The following GRM7 variants were observed in gnomAD, a reference collection of about 807,000 sequenced individuals.
GRM7 encodes glutamate metabotropic receptor 7, also known as metabotropic glutamate receptor 7.
In GRM7, 35 loss-of-function variants were observed where a neutral mutation model predicts 84.5. The observed-to-expected ratio is 0.41, with a 90% CI of 0.32 to 0.55. The LOEUF is 0.55. GRM7 is among the 20% of genes least tolerant of loss of function. GRM7 has a pLI of 0.19. For missense variants in GRM7, 1,003 were observed against 1,194.6 expected (o/e 0.84, Z 2.36); for synonymous variants, 487 against 455.1 (o/e 1.07, Z -0.89).
rs184581607 is a variant in GRM7, at chr3:7,077,685, A to G, written c.520-68767A>G. Among the ~76,000 whole-genome samples the G allele has an allele frequency of 2.6e-3, 393 of 152,252 alleles. 3 individuals are homozygous for G. Among genetic ancestry groups the G allele is most frequent in the African/African-American group, 8.9e-3 (370 of 41,540 alleles). On this transcript the variant is annotated intron_variant, in intron 1 of 9. Coordinates refer to ENST00000357716, the MANE Select transcript of GRM7 (RefSeq NM_000844.4). ...GTGTATACCTATGTAACAAACCTGCACGTTCTGCACATGTACCCCAGAACT... is the reference window on the plus strand; with the variant it reads ...GTGTATACCTATGTAACAAACCTGCGCGTTCTGCACATGTACCCCAGAACT...
chr3:6,908,530 G>A (rs964292189), intron 1 of GRM7, among the ~76,000 whole-genome samples: 7 of 152,094 alleles, frequency 4.6e-5, no homozygotes, highest in African/African-American at 1.7e-4. Flanking sequence ...ATTCATTGTG[G>A]TGATGCCAAC....
At chr3:7,618,547 T>A (rs568704524) in intron 8 of GRM7, among the ~76,000 whole-genome samples, 1 of 152,274 alleles carries the variant, frequency 6.6e-6, no homozygotes, top group South Asian at 2.1e-4. Flanking sequence ...TTAATGGTAG[T>A]TTATTTTCTG....
At chr3:6,896,493 A>G (rs149006178) in intron 1 of GRM7, among the ~76,000 whole-genome samples, 1 of 152,318 alleles carries the variant, frequency 6.6e-6, no homozygotes, top group African/African-American at 2.4e-5. Context: ...ACTGCAATTC[A>G]GTCTGCCTAG....
chr3:6,941,638 A>T (rs1016624241), intron 1 of GRM7, among the ~76,000 whole-genome samples: 1 of 152,260 alleles, frequency 6.6e-6, no homozygotes, highest in African/African-American at 2.4e-5. Context: ...GGCATTCTAA[A>T]GTCAAATGGA....
At chr3:7,446,374 T>A (rs558395772) in intron 5 of GRM7, among the ~76,000 whole-genome samples, 1 of 152,322 alleles carries the variant, frequency 6.6e-6, no homozygotes, top group African/African-American at 2.4e-5. Context: ...ATCTTTGATT[T>A]GTTTTCTCAT....
chr3:6,939,436 A>T (rs748679597), intron 1 of GRM7, among the ~76,000 whole-genome samples: 5 of 114,788 alleles, frequency 4.4e-5, no homozygotes, highest in Admixed American at 8.2e-5. Context: ...AATCTGGATT[A>T]AAAAAAAAAA....
chr3:6,949,742 G>A (rs1692642583), intron 1 of GRM7, among the ~76,000 whole-genome samples: 1 of 152,112 alleles, frequency 6.6e-6, no homozygotes, highest in Non-Finnish European at 1.5e-5. Context: ...TTTCTTGGAG[G>A]CTTTGTTTGT....
chr3:7,725,112 T>G (rs1382824538), intron 9 of GRM7, among the ~76,000 whole-genome samples: 1 of 152,070 alleles, frequency 6.6e-6, no homozygotes, highest in Non-Finnish European at 1.5e-5. Flanking sequence ...CATTGAAATA[T>G]AAACAAATTG....
At chr3:7,133,414 A>G (rs1056309811) in intron 1 of GRM7, among the ~76,000 whole-genome samples, 2 of 152,126 alleles carry the variant, frequency 1.3e-5, no homozygotes, top group South Asian at 2.1e-4. Context: ...GGTTTTGACA[A>G]CTGGGGAATA....
At chr3:6,932,737 T>C (rs1265104537) in intron 1 of GRM7, among the ~76,000 whole-genome samples, 1 of 148,738 alleles carries the variant, frequency 6.7e-6, no homozygotes, top group African/African-American at 2.5e-5. Flanking sequence ...TTTTTAATGT[T>C]TTCTTCTTTC....
At chr3:7,439,414 A>G (rs1697194196) in intron 5 of GRM7, among the ~76,000 whole-genome samples, 1 of 152,150 alleles carries the variant, frequency 6.6e-6, no homozygotes, top group Non-Finnish European at 1.5e-5. Context: ...ATTGCAGCTC[A>G]AGGAACCAGA....
At chr3:7,112,886 C>T (rs906053441) in intron 1 of GRM7, among the ~76,000 whole-genome samples, 16 of 152,152 alleles carry the variant, frequency 1.1e-4, no homozygotes, top group Admixed American at 9.8e-4. Context: ...CTACCACTTC[C>T]TGTTAACTTT....
chr3:7,256,427 C>T (rs1339982121), intron 2 of GRM7, among the ~76,000 whole-genome samples: 1 of 152,144 alleles, frequency 6.6e-6, no homozygotes, highest in Non-Finnish European at 1.5e-5. Flanking sequence ...AAAAAAGCAG[C>T]ATAGCTTGGC....
intron 9 of GRM7, chr3:7,682,357 GAAAA>G (rs1700408058): frequency 7.6e-6 from 1 of 131,790 alleles, no homozygotes; most frequent in Non-Finnish European, 1.6e-5. Context: ...AAAAAAAAAA[GAAAA>G]AGAAAAAAAA....
chr3:7,082,606 A>G (rs1574877367), intron 1 of GRM7, among the ~76,000 whole-genome samples: 1 of 152,258 alleles, frequency 6.6e-6, no homozygotes, highest in Admixed American at 6.6e-5. Flanking sequence ...TCATAAAGCT[A>G]TAGCTGCCAT....
chr3:7,261,863 G>A (rs137951528), intron 2 of GRM7, among the ~76,000 whole-genome samples: 9 of 129,884 alleles, frequency 6.9e-5, no homozygotes, highest in African/African-American at 8.8e-5. Context: ...TAGTTTGGCC[G>A]GATACAAAGT....
chr3:7,215,637 C>T (rs777851323), intron 2 of GRM7, among the ~76,000 whole-genome samples: 12 of 151,624 alleles, frequency 7.9e-5, no homozygotes, highest in Non-Finnish European at 1.8e-4. Context: ...TGCACTCCAG[C>T]CTGGGCGACA....
intron 2 of GRM7, among the ~76,000 whole-genome samples, chr3:7,221,026 C>T (rs1217057181): frequency 2.0e-5 from 3 of 149,928 alleles, no homozygotes; most frequent in Non-Finnish European, 4.5e-5. Context: ...GAGCCCAGGA[C>T]ACGGAGGTTG....
At chr3:7,551,059 A>G (rs1575483760) in intron 7 of GRM7, among the ~76,000 whole-genome samples, 2 of 152,318 alleles carry the variant, frequency 1.3e-5, no homozygotes, top group East Asian at 3.9e-4. Flanking sequence ...TAAAATATGA[A>G]AAATACTCCA....
Sources: gnomAD v4.1 joint callset for allele counts (sites outside exome capture counted in the v4.1 genomes callset) on GRCh38, gnomAD v4.1.1 for gene constraint, MANE v1.5 for transcripts, NCBI Gene and HGNC (gene_info 2026-07-23, HGNC 2026-07-21) for gene names.